CNTNAP2: variants seen among roughly 807,000 people sequenced by gnomAD.
CNTNAP2 encodes the protein contactin-associated protein-like 2.
Under a neutral mutation model 155.2 loss-of-function variants are expected in CNTNAP2, and 98 were observed. The observed-to-expected ratio is 0.63, with a 90% confidence interval of 0.54 to 0.75. The LOEUF (loss-of-function observed/expected upper bound fraction) is 0.75. Among genes scored for constraint, CNTNAP2 ranks in the 30% least tolerant of loss-of-function variants. The probability of loss-of-function intolerance (pLI) is 0.00; values close to 1 mark genes in which losing one functional copy is unlikely to be tolerated. For synonymous variants in CNTNAP2, 651 were observed against 631.2 expected, an observed-to-expected ratio of 1.03 and a Z score of -0.47; for missense variants, 1,727 against 1,688.1, an observed-to-expected ratio of 1.02 and a Z score of -0.40.
intron 10 of CNTNAP2, among the ~76,000 whole-genome samples, chr7:147,483,537 C>T (rs186448652): frequency 2.6e-5 from 4 of 152,224 alleles, no homozygotes; most frequent in African/African-American, 9.6e-5. Context: ...TAGATTCCAG[C>T]CTGGTTTTCC....
chr7:147,129,135 C>T (rs1377582793), intron 7 of CNTNAP2, among the ~76,000 whole-genome samples: 1 of 152,126 alleles, frequency 6.6e-6, no homozygotes, highest in African/African-American at 2.4e-5. Context: ...AGTTAGCAGC[C>T]CTTAAACCGG....
chr7:146,742,580 C>A (rs897087895), intron 1 of CNTNAP2, among the ~76,000 whole-genome samples: 1 of 151,752 alleles, frequency 6.6e-6, no homozygotes, highest in Non-Finnish European at 1.5e-5. Flanking sequence ...GACTGAAGAG[C>A]GGAAGATTAG....
intron 1 of CNTNAP2, among the ~76,000 whole-genome samples, chr7:146,334,317 G>T (rs1049674328): frequency 6.6e-6 from 1 of 151,956 alleles, no homozygotes; most frequent in Admixed American, 6.6e-5. Context: ...TGTAGTCCCA[G>T]CTACTCGGGA....
intron 9 of CNTNAP2, among the ~76,000 whole-genome samples, chr7:147,300,659 G>T (rs368751304): frequency 1.3e-5 from 2 of 152,164 alleles, no homozygotes; most frequent in East Asian, 3.9e-4. Context: ...TTATTATCTC[G>T]CAGTTTCTCT....
intron 20 of CNTNAP2, among the ~76,000 whole-genome samples, chr7:148,233,886 G>A (rs1338751902): frequency 6.6e-6 from 1 of 152,190 alleles, no homozygotes; most frequent in East Asian, 1.9e-4. Flanking sequence ...TTGTGATAGT[G>A]AGTGAGTTCT....
chr7:146,462,203 T>A (rs1428637547), intron 1 of CNTNAP2, among the ~76,000 whole-genome samples: 4 of 152,218 alleles, frequency 2.6e-5, no homozygotes, highest in Non-Finnish European at 4.4e-5. Flanking sequence ...TCTTGGTGTG[T>A]AGCACACTGT....
intron 8 of CNTNAP2, among the ~76,000 whole-genome samples, chr7:147,255,469 G>A (rs868742959): frequency 1.3e-5 from 2 of 152,200 alleles, no homozygotes; most frequent in East Asian, 1.9e-4. Context: ...TGATCTGCCC[G>A]CCTTGGCCTC....
At chr7:146,182,834 C>G (rs1798568837) in intron 1 of CNTNAP2, among the ~76,000 whole-genome samples, 3 of 152,158 alleles carry the variant, frequency 2.0e-5, no homozygotes, top group Admixed American at 6.6e-5. Flanking sequence ...TCTTGTACCT[C>G]TCTTGTAAGA....
chr7:146,985,308 A>AATTTTTTTTT (rs1183369135), intron 3 of CNTNAP2, among the ~76,000 whole-genome samples: 1 of 127,826 alleles, frequency 7.8e-6, no homozygotes, highest in Non-Finnish European at 1.6e-5. Context: ...AAATGCTTGA[A>AATTTTTTTTT]TTTTTTTTTT....
intron 3 of CNTNAP2, among the ~76,000 whole-genome samples, chr7:146,948,331 A>C (rs1470646822): frequency 2.6e-5 from 4 of 152,210 alleles, no homozygotes; most frequent in Admixed American, 2.6e-4. Flanking sequence ...TATTTTTGAC[A>C]GAAAATTAAG....
intron 13 of CNTNAP2, among the ~76,000 whole-genome samples, chr7:147,788,881 A>ATACTTTTT (rs1797775726): frequency 6.8e-6 from 1 of 146,240 alleles, no homozygotes; most frequent in Non-Finnish European, 1.5e-5. Context: ...CCAGTAGGAT[A>ATACTTTTT]TACTTTTTTT....
chr7:146,522,221 A>G (rs1208142903), intron 1 of CNTNAP2, among the ~76,000 whole-genome samples: 1 of 152,110 alleles, frequency 6.6e-6, no homozygotes, highest in South Asian at 2.1e-4. Flanking sequence ...GAGATGACAC[A>G]GAACAATGTT....
chr7:147,072,931 C>G (rs1799925062), intron 4 of CNTNAP2, among the ~76,000 whole-genome samples: 1 of 143,270 alleles, frequency 7.0e-6, no homozygotes, highest in Non-Finnish European at 1.5e-5. Context: ...CGGCTCACTG[C>G]AAGCTCCACC....
chr7:148,277,531 G>A (rs927283748), intron 21 of CNTNAP2, among the ~76,000 whole-genome samples: 46 of 152,102 alleles, frequency 3.0e-4, no homozygotes, highest in African/African-American at 1.0e-3. Context: ...AGACCCTGTC[G>A]GCTTACTCTT....
intron 14 of CNTNAP2, among the ~76,000 whole-genome samples, chr7:147,928,928 T>C (rs1563138504): frequency 2.0e-5 from 3 of 150,782 alleles, no homozygotes. Context: ...CCGTCTCTAC[T>C]AAAAAAATAC....
intron 8 of CNTNAP2, among the ~76,000 whole-genome samples, chr7:147,190,789 G>A (rs949442103): frequency 2.6e-5 from 4 of 152,188 alleles, no homozygotes; most frequent in Admixed American, 6.5e-5. Context: ...CTATGTCACC[G>A]TTAGCCAGAT....
chr7:147,031,055 TC>T (rs796946874), intron 3 of CNTNAP2, among the ~76,000 whole-genome samples: 132 of 152,300 alleles, frequency 8.7e-4, no homozygotes, highest in African/African-American at 3.0e-3. Context: ...CATTTTCGTA[TC>T]CATTTCTACC....
At chr7:147,283,089 A>C (rs1370529454) in intron 8 of CNTNAP2, among the ~76,000 whole-genome samples, 1 of 151,922 alleles carries the variant, frequency 6.6e-6, no homozygotes, top group Non-Finnish European at 1.5e-5. Context: ...CAGTTTTGCT[A>C]AATTATAATA....
chr7:148,050,443 T>G (rs1802866993), intron 15 of CNTNAP2, among the ~76,000 whole-genome samples: 1 of 152,118 alleles, frequency 6.6e-6, no homozygotes, highest in Admixed American at 6.6e-5. Flanking sequence ...TAGAATAGGA[T>G]ATAAAGAAAA....
Sources: allele counts gnomAD v4.1 joint callset (sites outside exome capture counted in the v4.1 genomes callset), GRCh38; gene constraint gnomAD v4.1.1; transcripts MANE v1.5; gene names NCBI Gene and HGNC (gene_info 2026-07-23, HGNC 2026-07-21).